CTNNA2: variants seen among roughly 807,000 people sequenced by gnomAD.
CTNNA2 encodes catenin alpha 2.
In CTNNA2, 42 loss-of-function variants were observed where a neutral mutation model predicts 101.0. The ratio of observed to expected loss-of-function variants is 0.42; its 90% CI spans 0.32 to 0.54. The LOEUF is 0.54. Ranked by LOEUF, CTNNA2 falls within the 20% of genes least tolerant of loss-of-function variation. The pLI, the probability that CTNNA2 is intolerant of heterozygous loss-of-function variation, is 0.14. For synonymous variants in CTNNA2, 450 were observed against 456.4 expected, an observed-to-expected ratio of 0.99 and a Z score of 0.18; for missense variants, 871 against 1,223.1, an observed-to-expected ratio of 0.71 and a Z score of 4.29.
chr2:79,958,439 G>A lies in CTNNA2; in HGVS notation c.1056+48642G>A, dbSNP rs115182249. Among the ~76,000 whole-genome samples, 264 of 152,268 alleles carry A rather than the reference G, an allele frequency of 1.7e-3. 1 individual carries two copies. The highest frequency in any genetic ancestry group is 6.0e-3 in the African/African-American group (250 of 41,552). ...TAGGTAATCACAAAGGTCCTTAAAG[G>A]AGGAGGGAGGCAGAAAAGGAGGTCA... On this transcript the variant is annotated intron_variant, in intron 7 of 18. Coordinates refer to ENST00000402739, the MANE Select transcript of CTNNA2 (RefSeq NM_001282597.3).
At chr2:79,324,406 T>C (rs1480030094) in intron 3 of CTNNA2, among the ~76,000 whole-genome samples, 4 of 152,130 alleles carry the variant, frequency 2.6e-5, no homozygotes, top group Non-Finnish European at 2.9e-5. Context: ...TGAGGCATAG[T>C]GGCCCTGGAG....
chr2:79,992,331 G>T (rs893449042), intron 7 of CTNNA2, among the ~76,000 whole-genome samples: 3 of 152,088 alleles, frequency 2.0e-5, no homozygotes, highest in Non-Finnish European at 4.4e-5. Flanking sequence ...TATATTTTCT[G>T]CTTTGAAAAT....
chr2:80,072,179 C>T (rs1239585933), intron 7 of CTNNA2, among the ~76,000 whole-genome samples: 1 of 152,200 alleles, frequency 6.6e-6, no homozygotes, highest in African/African-American at 2.4e-5. Flanking sequence ...CCATCTGCCC[C>T]TCTTAGTCTA....
At chr2:79,323,307 C>G (rs1164109536) in intron 3 of CTNNA2, among the ~76,000 whole-genome samples, 1 of 152,008 alleles carries the variant, frequency 6.6e-6, no homozygotes, top group Non-Finnish European at 1.5e-5. Context: ...ATGCTTTGGC[C>G]TATGTATTAA....
At chr2:79,507,605 C>T (rs1009162767) in intron 5 of CTNNA2, among the ~76,000 whole-genome samples, 3 of 152,098 alleles carry the variant, frequency 2.0e-5, no homozygotes, top group Admixed American at 6.5e-5. Context: ...TAGTCTCAGA[C>T]AGTTTGTTAT....
rs1674286933 is a variant in CTNNA2 at position 80,647,925 on chromosome 2, CTTTTTA to C, written c.*54_*59del. Reference sequence around the variant, plus strand: ...TTCTTTCTTTTCTTTCTTTCTTTTTCTTTTTAATTCCATTTTTGTATGCATACCTGC... The same window carrying C: ...TTCTTTCTTTTCTTTCTTTCTTTTTCATTCCATTTTTGTATGCATACCTGC... On this transcript the variant is annotated 3_prime_UTR_variant, in exon 19 of 19. Coordinates refer to ENST00000402739, the MANE Select transcript of CTNNA2 (RefSeq NM_001282597.3). The C allele has an allele frequency of 2.1e-5, 32 of 1,505,030 alleles. No homozygotes were observed. The South Asian group carries it at 4.4e-4, about 21-fold the overall frequency. 93.2% of individuals were successfully genotyped at this position (1,505,030 alleles called of 1,614,324 possible).
rs201051752 is a variant in CTNNA2 at position 80,004,652 on chromosome 2, ATTTAT to A, written c.1056+94870_1056+94874del. 4.5e-4 allele frequency among the ~76,000 whole-genome samples: 68 copies of A among 150,682 alleles called. 1 individual carries two copies. The East Asian group carries it at 0.013, about 29-fold the overall frequency. ...GCAGCTACTAAGGAGCAGAGGCAGC[ATTTAT>A]TTTATTTTATTTTACATTTATTTAT... On this transcript the variant is annotated intron_variant, in intron 7 of 18. Coordinates refer to ENST00000402739, the MANE Select transcript of CTNNA2 (RefSeq NM_001282597.3).
chr2:80,162,103 T>C (rs1244653631), intron 7 of CTNNA2, among the ~76,000 whole-genome samples: 1 of 152,134 alleles, frequency 6.6e-6, no homozygotes, highest in African/African-American at 2.4e-5. Flanking sequence ...GTTTTCTTGA[T>C]TCACTAGCAA....
intron 7 of CTNNA2, among the ~76,000 whole-genome samples, chr2:80,121,499 G>T (rs933245768): frequency 6.6e-6 from 1 of 152,012 alleles, no homozygotes; most frequent in African/African-American, 2.4e-5. Flanking sequence ...CAATTATATT[G>T]GGAGGCAGTT....
chr2:79,840,838 C>A (rs1428752301), intron 3 of CTNNA2, among the ~76,000 whole-genome samples: 2 of 151,592 alleles, frequency 1.3e-5, no homozygotes, highest in African/African-American at 4.9e-5. Flanking sequence ...GGCGCGATCT[C>A]GGCTCACTGC....
At chr2:80,569,387 T>A (rs1694352898) in intron 12 of CTNNA2, among the ~76,000 whole-genome samples, 1 of 152,166 alleles carries the variant, frequency 6.6e-6, no homozygotes, top group South Asian at 2.1e-4. Context: ...AGACATAAGC[T>A]ATTAAGAACA....
At chr2:79,967,924 CATT>C (rs1030536563) in intron 7 of CTNNA2, among the ~76,000 whole-genome samples, 2 of 152,148 alleles carry the variant, frequency 1.3e-5, no homozygotes, top group African/African-American at 4.8e-5. Flanking sequence ...AACTCAAGAA[CATT>C]ATGCTATATA....
chr2:79,802,155 C>G lies in CTNNA2; in HGVS notation c.299-55858C>G, dbSNP rs375911488. Among the ~76,000 whole-genome samples, 30 of 152,148 alleles carry G rather than the reference C, an allele frequency of 2.0e-4. No homozygotes were observed. The Middle Eastern group carries it at 0.017, about 86-fold the overall frequency. On this transcript the variant is annotated intron_variant, in intron 3 of 18. Transcript: ENST00000402739. ...GAGAAATTGCATAGATTGGTGCCAC[C>G]AGCAAAGACCTAAAGCACGTAGAGG...
intron 9 of CTNNA2, among the ~76,000 whole-genome samples, chr2:80,446,489 C>T (rs1444543): frequency 0.4 from 61,471 of 152,150 alleles, 18,254 homozygotes; most frequent in African/African-American, 0.81. Flanking sequence ...GAATATCCCA[C>T]ATAGAGGTGA....
At chr2:80,046,070 T>G (rs775569335) in intron 7 of CTNNA2, among the ~76,000 whole-genome samples, 1 of 152,218 alleles carries the variant, frequency 6.6e-6, no homozygotes, top group Admixed American at 6.5e-5. Context: ...AGGCAGCAAG[T>G]AGAATCTGCC....
chr2:80,441,429 A>T (rs1000583062), intron 9 of CTNNA2, among the ~76,000 whole-genome samples: 1 of 152,164 alleles, frequency 6.6e-6, no homozygotes, highest in African/African-American at 2.4e-5. Context: ...AACATATGAC[A>T]GTTTTGTTGT....
At chr2:80,282,136 C>T (rs1234529916) in intron 7 of CTNNA2, among the ~76,000 whole-genome samples, 1 of 152,018 alleles carries the variant, frequency 6.6e-6, no homozygotes, top group Non-Finnish European at 1.5e-5. Flanking sequence ...CAGGGAAATG[C>T]CAATGGGTTC....
At position 80,303,918 on chromosome 2, in the gene CTNNA2, G is replaced by C. The variant is rs1277210416; in HGVS notation, c.1057-89293G>C. 2.1e-6 allele frequency: 3 copies of C among 1,401,120 alleles called. No homozygotes were observed. The highest frequency in any genetic ancestry group is 2.8e-5 in the Admixed American group (1 of 36,140). The allele number at this position is 1,401,120 out of a possible 1,614,324, so 86.8% of individuals were successfully genotyped here. A position where few individuals can be genotyped will look rare whatever the true frequency, so the allele number is the denominator to read the frequency against. On this transcript the variant is annotated intron_variant, in intron 7 of 18. Coordinates refer to ENST00000402739, the MANE Select transcript of CTNNA2 (RefSeq NM_001282597.3). This position sits in a 1 kb window ranked among gnomAD's most constrained non-coding sequence, Gnocchi z 7.7. Reference sequence around the variant, plus strand: ...ATTCCGAGGGAGGGGAAGCGGGGGAGGGGGAGAAAAGGGCAAAAAATCAAA... The same window carrying C: ...ATTCCGAGGGAGGGGAAGCGGGGGACGGGGAGAAAAGGGCAAAAAATCAAA...
At chr2:79,916,788 A>G (rs1686259797) in intron 7 of CTNNA2, among the ~76,000 whole-genome samples, 1 of 151,332 alleles carries the variant, frequency 6.6e-6, no homozygotes, top group South Asian at 2.1e-4. Flanking sequence ...ACGCCCAGCT[A>G]ATTTTTTGAA....
Sources: allele counts gnomAD v4.1 joint callset (sites outside exome capture counted in the v4.1 genomes callset), GRCh38; gene constraint gnomAD v4.1.1; non-coding constraint Gnocchi (gnomAD v3.1); transcripts MANE v1.5; gene names NCBI Gene and HGNC (gene_info 2026-07-23, HGNC 2026-07-21).